Variants in CAB39L observed in about 807,000 individuals in gnomAD.
CAB39L encodes calcium binding protein 39 like.
A neutral mutation model predicts 39.1 loss-of-function variants in CAB39L; 23 were observed. The ratio of observed to expected loss-of-function variants is 0.59; its 90% CI spans 0.42 to 0.83. CAB39L has a LOEUF of 0.83. CAB39L is among the 40% of genes least tolerant of loss of function. CAB39L has a pLI of 0.00. For missense variants in CAB39L, 366 were observed against 391.9 expected, an observed-to-expected ratio of 0.93 and a Z score of 0.56; for synonymous variants, 126 against 137.2, an observed-to-expected ratio of 0.92 and a Z score of 0.57.
chr13:49,387,222 A>G (rs1186272940), intron 3 of CAB39L, among the ~76,000 whole-genome samples: 1 of 152,218 alleles, frequency 6.6e-6, no homozygotes, highest in African/African-American at 2.4e-5. Context: ...AACCCCCAGT[A>G]TCCTATCATG....
chr13:49,402,173 C>T (rs1292404153), intron 3 of CAB39L, among the ~76,000 whole-genome samples: 1 of 151,888 alleles, frequency 6.6e-6, no homozygotes, highest in African/African-American at 2.4e-5. Context: ...TAAACATTAC[C>T]GGTCAGAATG....
intron 6 of CAB39L, among the ~76,000 whole-genome samples, chr13:49,358,413 T>C (rs1955541571): frequency 6.6e-6 from 1 of 152,188 alleles, no homozygotes. Flanking sequence ...CTAGTTTATC[T>C]TGTCAAAGAT....
intron 9 of CAB39L, among the ~76,000 whole-genome samples, chr13:49,338,900 G>T (rs1308569988): frequency 6.6e-6 from 1 of 152,074 alleles, no homozygotes; most frequent in Non-Finnish European, 1.5e-5. Flanking sequence ...CTCAGGGAAT[G>T]GGACCTGGTG....
intron 3 of CAB39L, among the ~76,000 whole-genome samples, chr13:49,389,702 C>CGAA (rs1956446222): frequency 6.6e-6 from 1 of 152,172 alleles, no homozygotes; most frequent in African/African-American, 2.4e-5. Context: ...ATGGCTATAT[C>CGAA]TTCATTCGAT....
intron 1 of CAB39L, among the ~76,000 whole-genome samples, chr13:49,442,036 A>G (rs768735417): frequency 6.6e-6 from 1 of 152,174 alleles, no homozygotes; most frequent in Non-Finnish European, 1.5e-5. Context: ...CAGGAAATGT[A>G]TTGTTTGTTT....
At chr13:49,394,376 G>A (rs1325635098) in intron 3 of CAB39L, among the ~76,000 whole-genome samples, 1 of 151,826 alleles carries the variant, frequency 6.6e-6, no homozygotes, top group African/African-American at 2.4e-5. Flanking sequence ...GTTTTTTGTT[G>A]TTTTGACAAA....
chr13:49,369,839 G>T (rs941744023), intron 5 of CAB39L, among the ~76,000 whole-genome samples: 3 of 152,102 alleles, frequency 2.0e-5, no homozygotes, highest in Non-Finnish European at 4.4e-5. Context: ...GCCCACTTCG[G>T]CCTCCCAAAG....
intron 10 of CAB39L, among the ~76,000 whole-genome samples, chr13:49,313,875 T>C (rs1954077222): frequency 6.6e-6 from 1 of 152,136 alleles, no homozygotes; most frequent in Admixed American, 6.5e-5. Context: ...GGGGGTTTCA[T>C]GGCTAAGCCT....
chr13:49,325,826 G>C (rs1954482167), intron 10 of CAB39L, among the ~76,000 whole-genome samples: 1 of 151,992 alleles, frequency 6.6e-6, no homozygotes, highest in African/African-American at 2.4e-5. Flanking sequence ...TTAAAAAGTG[G>C]GTCCTTAAGG....
chr13:49,426,749 T>G (rs564714863), intron 3 of CAB39L, among the ~76,000 whole-genome samples: 1 of 152,138 alleles, frequency 6.6e-6, no homozygotes, highest in Non-Finnish European at 1.5e-5. Flanking sequence ...TATTGAAGAT[T>G]TTCTATGAGC....
chr13:49,415,244 C>T (rs776903055), intron 3 of CAB39L, among the ~76,000 whole-genome samples: 85 of 150,864 alleles, frequency 5.6e-4, no homozygotes, highest in Non-Finnish European at 9.7e-4. Context: ...TGGCCAGGCG[C>T]GGTGGCTCAC....
intron 9 of CAB39L, among the ~76,000 whole-genome samples, chr13:49,335,722 G>C (rs976723467): frequency 1.3e-5 from 2 of 152,056 alleles, no homozygotes; most frequent in African/African-American, 4.8e-5. Flanking sequence ...AATCTTTCTT[G>C]CTGGTAATTA....
intron 6 of CAB39L, among the ~76,000 whole-genome samples, chr13:49,359,159 C>A (rs1055749599): frequency 1.3e-5 from 2 of 152,176 alleles, no homozygotes; most frequent in East Asian, 3.9e-4. Flanking sequence ...TTCAGAGTAG[C>A]CTCCAAATGC....
intron 5 of CAB39L, among the ~76,000 whole-genome samples, chr13:49,363,353 G>C (rs1433215801): frequency 6.6e-6 from 1 of 152,096 alleles, no homozygotes; most frequent in African/African-American, 2.4e-5. Flanking sequence ...GCAGGGGGAG[G>C]AAGTTAAGGT....
At chr13:49,366,315 T>C (rs1312037440) in intron 5 of CAB39L, among the ~76,000 whole-genome samples, 1 of 151,864 alleles carries the variant, frequency 6.6e-6, no homozygotes, top group Non-Finnish European at 1.5e-5. Flanking sequence ...TACATGCCTG[T>C]ACTAAAATAT....
chr13:49,384,431 ACTC>A (rs1256627712), intron 3 of CAB39L, among the ~76,000 whole-genome samples: 3 of 151,920 alleles, frequency 2.0e-5, no homozygotes. Flanking sequence ...CTTCTTCTGA[ACTC>A]CTGAAAATGT....
intron 1 of CAB39L, among the ~76,000 whole-genome samples, chr13:49,443,102 G>T (rs962670119): frequency 4.7e-5 from 5 of 107,526 alleles, no homozygotes; most frequent in Admixed American, 4.5e-4. Flanking sequence ...AAAAAAAAAA[G>T]GAGGAGGGAA....
rs1555258807 is a variant in CAB39L, at chr13:49,371,189, C to CCT, written c.276+5777_276+5778insAG. On this transcript the variant is annotated intron_variant, in intron 5 of 10. Coordinates refer to ENST00000409308, the MANE Select transcript of CAB39L (RefSeq NM_001079670.3). ...TTTTTTTTTCTTTTTCTTTTTCTTT[C>CCT]TTTTTTTTTTTTTTTGAGATGGAGT... Among the ~76,000 whole-genome samples, 285 of 102,216 alleles carry CCT rather than the reference C, an allele frequency of 2.8e-3. 2 individuals carry two copies. The highest frequency in any genetic ancestry group is 5.0e-3 in the Admixed American group (49 of 9,716). The allele number at this position is 102,216 out of a possible 152,430, so 67.1% of individuals were successfully genotyped here.
At chr13:49,355,040 C>A (rs1011857340) in intron 6 of CAB39L, among the ~76,000 whole-genome samples, 2 of 152,050 alleles carry the variant, frequency 1.3e-5, no homozygotes, top group Admixed American at 1.3e-4. Context: ...TCAATATAGT[C>A]AAGAACGTAT....
Sources: gnomAD v4.1 joint callset for allele counts (sites outside exome capture counted in the v4.1 genomes callset) on GRCh38, gnomAD v4.1.1 for gene constraint, MANE v1.5 for transcripts, NCBI Gene and HGNC (gene_info 2026-07-23, HGNC 2026-07-21) for gene names.